Variants in SLC7A2 observed in about 807,000 individuals in gnomAD.
The protein encoded by SLC7A2 is solute carrier family 7 member 2.
SLC7A2 carries 48 observed loss-of-function variants against 58.9 expected under a neutral mutation model. The ratio of observed to expected loss-of-function variants is 0.82; its 90% CI spans 0.65 to 1.04. SLC7A2 has a LOEUF of 1.04. Ranked by LOEUF, SLC7A2 falls within the 50% of genes least tolerant of loss-of-function variation. The pLI is 0.00. For synonymous variants in SLC7A2, 363 were observed against 314.5 expected (o/e 1.15, Z -1.63); for missense variants, 1,029 against 818.8 (o/e 1.26, Z -3.13).
chr8:17,544,372 T>C (rs1230821960), intron 3 of SLC7A2, 79 bp from the exon 4 acceptor site: 5 of 1,254,570 alleles, frequency 4.0e-6, no homozygotes, highest in Non-Finnish European at 1.1e-6. Context: ...AACTCATGTT[T>C]ATCCTATAAT....
intron 2 of SLC7A2, among the ~76,000 whole-genome samples, chr8:17,533,107 A>C (rs566178397): frequency 6.6e-6 from 1 of 152,246 alleles, no homozygotes; most frequent in Admixed American, 6.5e-5. Context: ...AAGAACCAGC[A>C]CCCTTTTAAT....
At chr8:17,536,949 C>G (rs980755404) in intron 2 of SLC7A2, among the ~76,000 whole-genome samples, 1 of 152,236 alleles carries the variant, frequency 6.6e-6, no homozygotes, top group African/African-American at 2.4e-5. Flanking sequence ...GCAGCAAGGC[C>G]TGGGGGGACA....
intron 10 of SLC7A2, 114 bp downstream of exon 10, chr8:17,560,647 C>G: frequency 2.4e-6 from 2 of 848,994 alleles, no homozygotes; most frequent in South Asian, 3.1e-5. Context: ...ATATTAGCAA[C>G]CACCCTGAAA....
chr8:17,532,245 A>C (rs1486816195), intron 2 of SLC7A2, among the ~76,000 whole-genome samples: 5 of 124,336 alleles, frequency 4.0e-5, no homozygotes, highest in Non-Finnish European at 8.8e-5. Context: ...AAAAAAAAAA[A>C]AAAAAAAAAA....
intron 2 of SLC7A2, among the ~76,000 whole-genome samples, chr8:17,510,229 A>AAAT (rs56122987): frequency 0.3 from 44,435 of 149,146 alleles, 6,791 homozygotes; most frequent in Admixed American, 0.36. Context: ...CAAAATAAAC[A>AAAT]AATAATAATA....
chr8:17,541,518 G>A (rs927091991), intron 2 of SLC7A2, among the ~76,000 whole-genome samples: 3 of 152,180 alleles, frequency 2.0e-5, no homozygotes, highest in South Asian at 2.1e-4. Context: ...ATCAAGGAAC[G>A]TGTCCTCTAT....
chr8:17,558,318 C>A lies in SLC7A2; in HGVS notation c.1219C>A (p.Leu407Met), dbSNP rs1465806851. 3.9e-5 allele frequency: 63 copies of A among 1,613,098 alleles called. No homozygotes were observed. Among genetic ancestry groups the A allele is most frequent in the Non-Finnish European group, 5.3e-5 (62 of 1,179,494 alleles). ...AGCTTTGATGGCCTTTCTGTTTGAC[C>A]TGAAGGCGCTTGTGGACATGATGTC... ...VAALMAFLFDLKALVDMMSIG... is the reference protein window; with the variant it reads ...VAALMAFLFDMKALVDMMSIG... Residue 407 changes from leucine (L) to methionine (M), a missense_variant, in exon 9 of 13, where the codon CTG (leucine) becomes ATG (methionine). Transcript: ENST00000494857.
chr8:17,561,411 A>T (rs1269966955), intron 10 of SLC7A2, among the ~76,000 whole-genome samples: 1 of 152,172 alleles, frequency 6.6e-6, no homozygotes, highest in African/African-American at 2.4e-5. Context: ...CGCTAGACTT[A>T]TTCACTGCCA....
intron 2 of SLC7A2, among the ~76,000 whole-genome samples, chr8:17,507,289 C>T (rs369833411): frequency 1.3e-5 from 2 of 152,032 alleles, no homozygotes; most frequent in South Asian, 2.1e-4. Context: ...TACAACTTAA[C>T]ATTTTTAGAT....
intron 2 of SLC7A2, among the ~76,000 whole-genome samples, chr8:17,531,881 AAATT>A (rs1801464176): frequency 6.6e-6 from 1 of 152,122 alleles, no homozygotes; most frequent in Non-Finnish European, 1.5e-5. Flanking sequence ...CTGATTAAAT[AAATT>A]GTCAAAATTT....
rs1800533736 is a variant in SLC7A2 at position 17,509,948 on chromosome 8, A to G, written c.-23+7646A>G. 2.6e-5 allele frequency among the ~76,000 whole-genome samples: 4 copies of G among 151,994 alleles called. No homozygotes were observed. The South Asian group carries it at 8.3e-4, about 32-fold the overall frequency. On this transcript the variant is annotated intron_variant, in intron 2 of 12. Transcript: ENST00000494857. ...GTAAGAGTGAATTGAAGCCCGGTAC[A>G]GTGGCTCACGCCTGTAACCCCAGCA...
At chr8:17,524,757 T>C (rs1801157281) in intron 2 of SLC7A2, among the ~76,000 whole-genome samples, 2 of 152,144 alleles carry the variant, frequency 1.3e-5, no homozygotes, top group East Asian at 3.9e-4. Context: ...GAAGAACTTA[T>C]GTATTTATGT....
In SLC7A2 at chr8:17,543,411, T is replaced by A. The variant is rs765359552; in HGVS notation, c.72T>A (p.Ser24Arg). Residue 24 changes from serine to arginine, a missense_variant, in exon 3 of 13, where the codon AGT (serine) becomes AGA (arginine). Coordinates refer to ENST00000494857, the MANE Select transcript of SLC7A2 (RefSeq NM_001370338.1). ...LIRRKIVTLDSLEDTKLCRCL... is the reference protein window; with the variant it reads ...LIRRKIVTLDRLEDTKLCRCL... ...GGAGAAAAATCGTGACCCTGGACAG[T>A]CTAGAAGACACCAAATTATGCCGCT... 1 of 1,614,138 alleles carries A rather than the reference T, an allele frequency of 6.2e-7. No homozygotes were observed. The highest frequency in any genetic ancestry group is 1.1e-5 in the South Asian group (1 of 91,086).
At chr8:17,532,039 C>G (rs1426249662) in intron 2 of SLC7A2, among the ~76,000 whole-genome samples, 1 of 151,638 alleles carries the variant, frequency 6.6e-6, no homozygotes, top group Non-Finnish European at 1.5e-5. Flanking sequence ...ACCAGCCTGG[C>G]CAACGTGGTG....
chr8:17,494,785 A>G (rs1194147007), upstream of SLC7A2, among the ~76,000 whole-genome samples: 2 of 152,236 alleles, frequency 1.3e-5, no homozygotes, highest in African/African-American at 4.8e-5. Flanking sequence ...ACGAAATGGA[A>G]TATGTTAAGT....
chr8:17,518,794 C>G (rs1280764443), intron 2 of SLC7A2, among the ~76,000 whole-genome samples: 1 of 152,118 alleles, frequency 6.6e-6, no homozygotes, highest in Non-Finnish European at 1.5e-5. Flanking sequence ...GCATCTTAGT[C>G]TGCTTGAGCT....
At chr8:17,536,584 C>G (rs1189228858) in intron 2 of SLC7A2, among the ~76,000 whole-genome samples, 6 of 152,116 alleles carry the variant, frequency 3.9e-5, no homozygotes, top group Non-Finnish European at 8.8e-5. Context: ...TTATGTCAAG[C>G]TATTTTTTTC....
intron 2 of SLC7A2, among the ~76,000 whole-genome samples, chr8:17,531,687 CTGAT>C (rs1256983516): frequency 6.6e-6 from 1 of 151,704 alleles, no homozygotes; most frequent in East Asian, 1.9e-4. Flanking sequence ...TTAGGAATTT[CTGAT>C]TAAGACTTTA....
chr8:17,497,637 G>A (rs1445443445), intron 1 of SLC7A2, among the ~76,000 whole-genome samples: 1 of 152,170 alleles, frequency 6.6e-6, no homozygotes, highest in Admixed American at 6.5e-5. Flanking sequence ...ACCCCTCTCC[G>A]GGTGGGCAGG....
Sources: allele counts gnomAD v4.1 joint callset (sites outside exome capture counted in the v4.1 genomes callset), GRCh38; gene constraint gnomAD v4.1.1; transcripts MANE v1.5; gene names NCBI Gene and HGNC (gene_info 2026-07-23, HGNC 2026-07-21).